STIM2: variants seen among roughly 807,000 people sequenced by gnomAD.
The protein encoded by STIM2 is stromal interaction molecule 2.
In STIM2, 31 loss-of-function variants were observed where a neutral mutation model predicts 85.8. The ratio of observed to expected loss-of-function variants is 0.36; its 90% CI spans 0.27 to 0.49. The LOEUF (loss-of-function observed/expected upper bound fraction) is 0.49, where lower values mean the gene tolerates loss of function less well. STIM2 is among the 20% of genes least tolerant of loss of function. The pLI, the probability that STIM2 is intolerant of heterozygous loss-of-function variation, is 0.98. For synonymous variants in STIM2, 356 were observed against 331.1 expected (o/e 1.08, Z -0.82); for missense variants, 841 against 927.6 (o/e 0.91, Z 1.21).
chr4:26,982,532 T>C (rs562017961), intron 3 of STIM2, among the ~76,000 whole-genome samples: 2 of 152,312 alleles, frequency 1.3e-5, no homozygotes, highest in Admixed American at 6.5e-5. Flanking sequence ...TTATATATCC[T>C]TCTATATCCA....
chr4:26,885,863 A>ATATATG (rs1560194693), intron 1 of STIM2, among the ~76,000 whole-genome samples: 1 of 123,324 alleles, frequency 8.1e-6, no homozygotes, highest in Non-Finnish European at 1.7e-5. Context: ...ATATATATAT[A>ATATATG]TATATATATA....
intron 1 of STIM2, among the ~76,000 whole-genome samples, chr4:26,884,413 T>C (rs911453920): frequency 6.6e-6 from 1 of 152,230 alleles, no homozygotes; most frequent in Non-Finnish European, 1.5e-5. Flanking sequence ...TTTAAAATCC[T>C]ACAGTTTCCT....
chr4:26,973,586 G>A (rs371846918), intron 3 of STIM2, among the ~76,000 whole-genome samples: 144 of 152,262 alleles, frequency 9.5e-4, no homozygotes, highest in African/African-American at 3.2e-3. Flanking sequence ...TAATTTGATC[G>A]CACTGTGGTC....
intron 2 of STIM2, among the ~76,000 whole-genome samples, chr4:26,935,246 G>T (rs755132192): frequency 2.2e-4 from 33 of 152,070 alleles, no homozygotes; most frequent in Non-Finnish European, 4.3e-4. Context: ...TATGTGTAAG[G>T]TATTTTGGTC....
chr4:26,897,559 C>A (rs1723754080), intron 1 of STIM2, among the ~76,000 whole-genome samples: 1 of 152,018 alleles, frequency 6.6e-6, no homozygotes, highest in Non-Finnish European at 1.5e-5. Context: ...GACGTTTTTG[C>A]TCTTTTGTTT....
chr4:26,981,955 A>G (rs982628076), intron 3 of STIM2, among the ~76,000 whole-genome samples: 5 of 137,050 alleles, frequency 3.6e-5, no homozygotes, highest in African/African-American at 1.3e-4. Context: ...CCCACACCGA[A>G]CAAATGTGTA....
rs1194584450 is a variant in STIM2, at chr4:27,023,324, C to CT, written c.*331dup. 2 of 251,286 alleles carry CT rather than the reference C, an allele frequency of 8.0e-6. No homozygotes were observed. The highest frequency in any genetic ancestry group is 1.6e-5 in the Non-Finnish European group (2 of 128,534). The allele number at this position is 251,286 out of a possible 1,614,324, so 15.6% of individuals were successfully genotyped here. A position where few individuals can be genotyped will look rare whatever the true frequency, so the allele number is the denominator to read the frequency against. ...TTGAAAGCCACGATGGACTTACAAG[C>CT]TTTAATGGACTCGTAAGCCAGCATG... is the stretch of plus-strand genomic sequence containing the variant. On this transcript the variant is annotated 3_prime_UTR_variant, in exon 12 of 12. Coordinates refer to ENST00000467087, the MANE Select transcript of STIM2 (RefSeq NM_020860.4).
At chr4:26,915,460 C>G (rs889694257) in intron 1 of STIM2, among the ~76,000 whole-genome samples, 4 of 152,042 alleles carry the variant, frequency 2.6e-5, no homozygotes, top group African/African-American at 4.8e-5. Flanking sequence ...GTCACGGACT[C>G]CTGACCTCAG....
At chr4:26,896,486 T>G (rs1723707925) in intron 1 of STIM2, among the ~76,000 whole-genome samples, 2 of 152,240 alleles carry the variant, frequency 1.3e-5, no homozygotes, top group Admixed American at 1.3e-4. Context: ...CATCCATACA[T>G]GAAAATTTCG....
At chr4:26,992,045 T>C (rs984702924) in intron 3 of STIM2, among the ~76,000 whole-genome samples, 2 of 152,156 alleles carry the variant, frequency 1.3e-5, no homozygotes, top group African/African-American at 2.4e-5. Context: ...GAGAGGCAGG[T>C]AATAAGGAAC....
chr4:26,974,984 C>T (rs1490261751), intron 3 of STIM2, among the ~76,000 whole-genome samples: 1 of 152,016 alleles, frequency 6.6e-6, no homozygotes, highest in Non-Finnish European at 1.5e-5. Context: ...TATTTCATTA[C>T]TTTGATCTTC....
chr4:26,934,134 C>T (rs1200543052), intron 2 of STIM2, among the ~76,000 whole-genome samples: 1 of 151,912 alleles, frequency 6.6e-6, no homozygotes, highest in African/African-American at 2.4e-5. Flanking sequence ...GCGGAGTTTG[C>T]AGTGAGCCGA....
chr4:26,949,063 C>T (rs945306095), intron 2 of STIM2, among the ~76,000 whole-genome samples: 1 of 152,096 alleles, frequency 6.6e-6, no homozygotes, highest in African/African-American at 2.4e-5. Flanking sequence ...CTTAATCTTC[C>T]AATATCACTT....
Position 27,022,913 on chromosome 4 carries a change from A to G in STIM2, c.2158A>G (p.Ile720Val), listed in dbSNP as rs1451033166. The G allele has an allele frequency of 3.7e-6, 6 of 1,614,238 alleles. No homozygotes were observed. The highest frequency in any genetic ancestry group is 1.1e-5 in the South Asian group (1 of 91,088). ...CCCAAGTGTTGCCAGAATAAGCAGC[A>G]TCCCACATGACCTTTGTCATAATGG... Residue 720 changes from isoleucine to valine, a missense_variant, in exon 12 of 12, where the codon ATC becomes GTC. Physicochemically the swap from Ile to Val is conservative, Grantham distance 29. Coordinates refer to ENST00000467087, the MANE Select transcript of STIM2 (RefSeq NM_020860.4).
intron 1 of STIM2, among the ~76,000 whole-genome samples, chr4:26,877,927 CT>C (rs1722870329): frequency 6.6e-6 from 1 of 152,146 alleles, no homozygotes; most frequent in Non-Finnish European, 1.5e-5. Flanking sequence ...GCATGGCTCC[CT>C]TTTGTGTCTC....
chr4:26,982,432 G>A (rs1727435964), intron 3 of STIM2, among the ~76,000 whole-genome samples: 2 of 151,898 alleles, frequency 1.3e-5, no homozygotes, highest in African/African-American at 4.8e-5. Flanking sequence ...CTTTCTAACT[G>A]GCTTCTATAT....
intron 1 of STIM2, 94 bp from the exon 2 acceptor site, chr4:26,919,410 T>G: frequency 1.3e-6 from 2 of 1,537,434 alleles, no homozygotes; most frequent in Non-Finnish European, 1.8e-6. Flanking sequence ...TAGTCTGAAG[T>G]TTAATTCTGT....
At chr4:26,965,793 A>C (rs557707296) in intron 3 of STIM2, among the ~76,000 whole-genome samples, 21 of 152,064 alleles carry the variant, frequency 1.4e-4, no homozygotes, top group Non-Finnish European at 2.5e-4. Context: ...CCTTCTTTAC[A>C]TAGATTGTTC....
intron 3 of STIM2, among the ~76,000 whole-genome samples, chr4:26,977,524 G>A (rs943454945): frequency 3.9e-5 from 6 of 152,278 alleles, no homozygotes; most frequent in South Asian, 2.1e-4. Flanking sequence ...GAGGCTTCGC[G>A]TGAACTGGTG....
Sources: allele counts gnomAD v4.1 joint callset (sites outside exome capture counted in the v4.1 genomes callset), GRCh38; gene constraint gnomAD v4.1.1; transcripts MANE v1.5; gene names NCBI Gene and HGNC (gene_info 2026-07-23, HGNC 2026-07-21).